MARCHF6: variants seen among roughly 807,000 people sequenced by gnomAD.
MARCHF6 encodes the protein membrane associated ring-CH-type finger 6.
In MARCHF6, 31 loss-of-function variants were observed where a neutral mutation model predicts 133.7. The ratio of observed to expected loss-of-function variants is 0.23; its 90% confidence interval spans 0.17 to 0.31. The LOEUF (loss-of-function observed/expected upper bound fraction) is 0.31, where lower values mean the gene tolerates loss of function less well. Among genes scored for constraint, MARCHF6 ranks in the 10% least tolerant of loss-of-function variants. The pLI is 1.00. For synonymous variants in MARCHF6, 395 were observed against 402.5 expected (o/e 0.98, Z 0.22); for missense variants, 723 against 1,121.6 (o/e 0.64, Z 5.08).
At position 10,440,136 on chromosome 5, in the gene MARCHF6, A is replaced by G. The variant is rs1218882663; in HGVS notation, c.*6452A>G. ...TCCCACTTGAATGTAAGCTCCAAAGATTTTATTTTTTTAAACTGAATTATT... is the reference window on the plus strand; with the variant it reads ...TCCCACTTGAATGTAAGCTCCAAAGGTTTTATTTTTTTAAACTGAATTATT... On this transcript the variant is annotated 3_prime_UTR_variant, in exon 26 of 26. Transcript: ENST00000274140. 1 of 152,224 alleles carries G rather than the reference A, an allele frequency of 6.6e-6. No individual in the cohort carries two copies. Among genetic ancestry groups the G allele is most frequent in the Non-Finnish European group, 1.5e-5 (1 of 68,044 alleles). The allele number at this position is 152,224 out of a possible 1,614,324, so 9.4% of individuals were successfully genotyped here. A position where few individuals can be genotyped will look rare whatever the true frequency, so the allele number is the denominator to read the frequency against.
chr5:10,378,926 A>G (rs1736953388), intron 3 of MARCHF6, 94 bp downstream of exon 3: 2 of 730,780 alleles, frequency 2.7e-6, no homozygotes, highest in African/African-American at 1.8e-5. Flanking sequence ...GAAGGGGGAT[A>G]AAAGTGCTTA....
chr5:10,372,800 T>C (rs2126677226), intron 1 of MARCHF6, among the ~76,000 whole-genome samples: 1 of 152,364 alleles, frequency 6.6e-6, no homozygotes, highest in Non-Finnish European at 1.5e-5. Context: ...CCTATTTTAA[T>C]GAGAAGCAGC....
chr5:10,413,606 G>A (rs1184299171), intron 19 of MARCHF6, among the ~76,000 whole-genome samples: 1 of 152,210 alleles, frequency 6.6e-6, no homozygotes, highest in Non-Finnish European at 1.5e-5. Context: ...AAGGAACGAG[G>A]TTTAATTGAC....
At position 10,410,214 on chromosome 5, in the gene MARCHF6, A is replaced by G. The variant is rs1359041490; in HGVS notation, c.1629A>G (p.Gly543=). 2 of 1,613,822 alleles carry G rather than the reference A, an allele frequency of 1.2e-6. No homozygotes were observed. The highest frequency in any genetic ancestry group is 2.2e-5 in the East Asian group (1 of 44,874). ...TCTTGCCAGCATTACTCGAACAGGG[A>G]CACACGAGGCAGTGGCTGAAGGGGC... ...QVVLPALLEQ[G]HTRQWLKGLV... Residue 543 remains glycine (G), a synonymous_variant, in exon 18 of 26, where the codon GGA becomes GGG. Coordinates refer to ENST00000274140, the MANE Select transcript of MARCHF6 (RefSeq NM_005885.4).
chr5:10,410,110 A>T (rs749461492), intron 17 of MARCHF6, 29 bp from the exon 18 acceptor site: 2 of 1,610,922 alleles, frequency 1.2e-6, no homozygotes, highest in East Asian at 4.5e-5. Flanking sequence ...GCAAAATACA[A>T]TTCACATTAT....
chr5:10,418,062 C>T (rs924863817), intron 22 of MARCHF6, among the ~76,000 whole-genome samples: 2 of 151,948 alleles, frequency 1.3e-5, no homozygotes, highest in African/African-American at 4.8e-5. Flanking sequence ...GCATGTTTTC[C>T]CACAAAGTCA....
rs2126409646 is a variant in MARCHF6 at position 10,439,390 on chromosome 5, T to C, written c.*5706T>C. Reference sequence around the variant, plus strand: ...TGTTCAGCCTTGGGTTAGGAAAAGATTTCTTAAATCCAACACCAAAAGCAC... The same window carrying C: ...TGTTCAGCCTTGGGTTAGGAAAAGACTTCTTAAATCCAACACCAAAAGCAC... On this transcript the variant is annotated 3_prime_UTR_variant, in exon 26 of 26. Coordinates refer to ENST00000274140, the MANE Select transcript of MARCHF6 (RefSeq NM_005885.4). The C allele has an allele frequency of 6.6e-6, 1 of 152,286 alleles. No homozygotes were observed. Among genetic ancestry groups the C allele is most frequent in the African/African-American group, 2.4e-5 (1 of 41,558 alleles). 9.4% of individuals were successfully genotyped at this position (152,286 alleles called of 1,614,324 possible).
intron 23 of MARCHF6, among the ~76,000 whole-genome samples, chr5:10,425,602 G>A (rs1446481345): frequency 6.6e-6 from 1 of 152,218 alleles, no homozygotes; most frequent in Non-Finnish European, 1.5e-5. Context: ...CCTTTAAAAG[G>A]TTAAGCATGT....
intron 1 of MARCHF6, among the ~76,000 whole-genome samples, chr5:10,373,118 A>G (rs1283261806): frequency 6.6e-6 from 1 of 152,068 alleles, no homozygotes; most frequent in Non-Finnish European, 1.5e-5. Context: ...TTACTAGGAT[A>G]GTAGTTGTGT....
intron 1 of MARCHF6, among the ~76,000 whole-genome samples, chr5:10,376,193 G>T (rs1736769676): frequency 6.6e-6 from 1 of 152,030 alleles, no homozygotes. Flanking sequence ...TCACTCTTTG[G>T]GTCCACACTG....
intron 9 of MARCHF6, 134 bp from the exon 10 acceptor site, chr5:10,397,159 C>A: frequency 1.7e-6 from 1 of 575,216 alleles, no homozygotes; most frequent in Non-Finnish European, 3.0e-6. Flanking sequence ...AGATTGAAAT[C>A]CCAAAACAAT....
At chr5:10,383,290 TG>T (rs1737265392) in intron 4 of MARCHF6, among the ~76,000 whole-genome samples, 1 of 152,194 alleles carries the variant, frequency 6.6e-6, no homozygotes, top group African/African-American at 2.4e-5. Flanking sequence ...TAGTCTAGTC[TG>T]TCTAGTAAGT....
At chr5:10,400,911 A>G in intron 11 of MARCHF6, 69 bp downstream of exon 11, 1 of 1,216,890 alleles carries the variant, frequency 8.2e-7, no homozygotes, top group Non-Finnish European at 1.2e-6. Flanking sequence ...ATAAAATAGT[A>G]TTCTAAAGAG....
At chr5:10,372,335 G>A (rs1216033115) in intron 1 of MARCHF6, among the ~76,000 whole-genome samples, 1 of 151,996 alleles carries the variant, frequency 6.6e-6, no homozygotes, top group African/African-American at 2.4e-5. Flanking sequence ...ATGAAATGTG[G>A]TCATTTCAGT....
At position 10,417,263 on chromosome 5, in the gene MARCHF6, C is replaced by T; in HGVS notation, c.2149-7C>T. On this transcript the variant is annotated splice_polypyrimidine_tract_variant and splice_region_variant and intron_variant, in intron 21 of 25. Transcript: ENST00000274140. ...CTTTAATGATGTGGGCTCCTGTTTC[C>T]TAATAGATCATGAAGACTTTGATAG... is the stretch of plus-strand genomic sequence containing the variant. 1 of 1,602,886 alleles carries T rather than the reference C, an allele frequency of 6.2e-7. No homozygotes were observed. The highest frequency in any genetic ancestry group is 1.4e-5 in the African/African-American group (1 of 73,816).
chr5:10,424,658 T>TA (rs942057604), intron 23 of MARCHF6, among the ~76,000 whole-genome samples: 3 of 152,158 alleles, frequency 2.0e-5, no homozygotes, highest in African/African-American at 7.2e-5. Flanking sequence ...AAAATGAAAA[T>TA]ACGTGCTTTT....
At chr5:10,357,883 G>A (rs1735575316) in intron 1 of MARCHF6, among the ~76,000 whole-genome samples, 1 of 151,946 alleles carries the variant, frequency 6.6e-6, no homozygotes, top group Admixed American at 6.6e-5. Flanking sequence ...AAATTATATG[G>A]CATAACTAGA....
rs947908895 is a variant in MARCHF6 at position 10,417,108 on chromosome 5, C to T, written c.2149-162C>T. 7.2e-5 allele frequency among the ~76,000 whole-genome samples: 11 copies of T among 152,214 alleles called. 1 individual carries two copies. On this transcript the variant is annotated intron_variant, in intron 21 of 25. Coordinates refer to ENST00000274140, the MANE Select transcript of MARCHF6 (RefSeq NM_005885.4). Reference sequence around the variant, plus strand: ...AGCTGTGTGCTTTTTATGTAAGAGACTTGAGTACCTGCAGATTTTCTGGAT... The same window carrying T: ...AGCTGTGTGCTTTTTATGTAAGAGATTTGAGTACCTGCAGATTTTCTGGAT...
chr5:10,404,507 A>G (rs919046800), intron 15 of MARCHF6, among the ~76,000 whole-genome samples: 3 of 152,172 alleles, frequency 2.0e-5, no homozygotes, highest in African/African-American at 7.2e-5. Context: ...GCCGGACACT[A>G]TACTGCATTC....
Sources: gnomAD v4.1 joint callset for allele counts (sites outside exome capture counted in the v4.1 genomes callset) on GRCh38, gnomAD v4.1.1 for gene constraint, MANE v1.5 for transcripts, NCBI Gene and HGNC (gene_info 2026-07-23, HGNC 2026-07-21) for gene names.